The following SYT1 variants were observed in gnomAD, a reference collection of about 807,000 sequenced individuals.
SYT1 encodes the protein synaptotagmin 1, also known as synaptotagmin-1.
SYT1 carries 8 observed loss-of-function variants against 44.8 expected under a neutral mutation model. That is an observed-to-expected ratio of 0.18 (90% confidence interval 0.10 to 0.32). The LOEUF is 0.32. SYT1 is among the 10% of genes least tolerant of loss of function. The pLI is 1.00. For missense variants in SYT1, 286 were observed against 509.3 expected, an observed-to-expected ratio of 0.56 and a Z score of 4.22; for synonymous variants, 154 against 188.8, an observed-to-expected ratio of 0.82 and a Z score of 1.51.
intron 3 of SYT1, among the ~76,000 whole-genome samples, chr12:79,083,508 GA>G (rs1555196395): frequency 6.6e-6 from 1 of 151,938 alleles, no homozygotes; most frequent in Non-Finnish European, 1.5e-5. Context: ...TTTTTAGTAA[GA>G]AAACAGATAA....
In SYT1 at chr12:79,225,059, G is replaced by T. The variant is rs972753444; in HGVS notation, c.166+7374G>T. Among the ~76,000 whole-genome samples, 6 of 151,748 alleles carry T rather than the reference G, an allele frequency of 4.0e-5. No homozygotes were observed. In the East Asian group the frequency reaches 1.2e-3, roughly 29 times the overall value. On this transcript the variant is annotated intron_variant, in intron 4 of 10. Transcript: ENST00000261205. ...GCCTCCCAAAGTGCTGGAATTACAG[G>T]CATGAACCACTGCGCCCAGCCCTGA...
intron 9 of SYT1, among the ~76,000 whole-genome samples, chr12:79,412,673 C>T (rs1868505212): frequency 6.6e-6 from 1 of 152,164 alleles, no homozygotes; most frequent in Admixed American, 6.5e-5. Context: ...CTGCAATTAA[C>T]ATCTTTGTTA....
chr12:78,991,276 A>G (rs1006964055), intron 2 of SYT1, among the ~76,000 whole-genome samples: 1 of 152,118 alleles, frequency 6.6e-6, no homozygotes, highest in African/African-American at 2.4e-5. Flanking sequence ...AATTTATAAT[A>G]TGTAAAGATC....
intron 1 of SYT1, among the ~76,000 whole-genome samples, chr12:78,905,195 A>G (rs1348103859): frequency 6.6e-6 from 1 of 152,148 alleles, no homozygotes; most frequent in Non-Finnish European, 1.5e-5. Flanking sequence ...CTTTAGTAAC[A>G]TGTTGCCATG....
chr12:78,890,209 G>A (rs1011811803), intron 1 of SYT1, among the ~76,000 whole-genome samples: 2 of 151,862 alleles, frequency 1.3e-5, no homozygotes, highest in Non-Finnish European at 1.5e-5. Flanking sequence ...ATCCAAAAAA[G>A]TTATAAAAAT....
intron 3 of SYT1, among the ~76,000 whole-genome samples, chr12:79,087,801 T>C (rs1877483009): frequency 6.6e-6 from 1 of 152,128 alleles, no homozygotes; most frequent in Non-Finnish European, 1.5e-5. Flanking sequence ...ATATTCCAAG[T>C]GAAAGTAATT....
chr12:79,210,688 G>A (rs903641690), intron 3 of SYT1, among the ~76,000 whole-genome samples: 5 of 152,088 alleles, frequency 3.3e-5, no homozygotes, highest in African/African-American at 9.7e-5. Flanking sequence ...TTGCAATTGC[G>A]AATTGTGCTG....
intron 2 of SYT1, among the ~76,000 whole-genome samples, chr12:79,011,903 G>T: frequency 6.6e-6 from 1 of 151,930 alleles, no homozygotes; most frequent in Non-Finnish European, 1.5e-5. Context: ...GGGCTGAGGC[G>T]GGTGAATCAC....
At chr12:78,914,287 A>C (rs779890950) in intron 1 of SYT1, among the ~76,000 whole-genome samples, 51 of 151,794 alleles carry the variant, frequency 3.4e-4, no homozygotes, top group Non-Finnish European at 1.2e-4. Context: ...AGTGGGAAAA[A>C]GATGGCTTGT....
intron 2 of SYT1, among the ~76,000 whole-genome samples, chr12:78,991,545 T>C (rs187396844): frequency 1.3e-4 from 20 of 152,234 alleles, no homozygotes; most frequent in East Asian, 1.2e-3. Flanking sequence ...TGATTTGTAA[T>C]TAAGAGAAGA....
At chr12:79,210,770 G>T (rs1874395387) in intron 3 of SYT1, among the ~76,000 whole-genome samples, 1 of 152,132 alleles carries the variant, frequency 6.6e-6, no homozygotes, top group East Asian at 1.9e-4. Flanking sequence ...ACCCAGTAAT[G>T]AGATTGCTGG....
intron 9 of SYT1, among the ~76,000 whole-genome samples, chr12:79,428,802 G>C (rs1869597813): frequency 6.6e-6 from 1 of 152,128 alleles, no homozygotes. Flanking sequence ...AGGAATACCT[G>C]AGGCTGGGTA....
chr12:79,442,828 G>C (rs1870503214), intron 9 of SYT1, among the ~76,000 whole-genome samples: 1 of 152,130 alleles, frequency 6.6e-6, no homozygotes, highest in South Asian at 2.1e-4. Context: ...CATGTTCCGA[G>C]AGAGAGGAAA....
chr12:79,083,314 C>T (rs1877163354), intron 3 of SYT1, among the ~76,000 whole-genome samples: 1 of 152,048 alleles, frequency 6.6e-6, no homozygotes, highest in South Asian at 2.1e-4. Flanking sequence ...TAAATTAGTA[C>T]CACTGCAAAG....
intron 2 of SYT1, among the ~76,000 whole-genome samples, chr12:78,994,696 C>T (rs999558902): frequency 6.6e-6 from 1 of 151,828 alleles, no homozygotes; most frequent in Non-Finnish European, 1.5e-5. Context: ...CCACTGTGCC[C>T]AGCTAATTTT....
At chr12:78,887,488 C>T (rs1232290387) in intron 1 of SYT1, among the ~76,000 whole-genome samples, 3 of 151,878 alleles carry the variant, frequency 2.0e-5, no homozygotes, top group Non-Finnish European at 2.9e-5. Context: ...AGATCATTAA[C>T]AGCGATAGTA....
intron 3 of SYT1, among the ~76,000 whole-genome samples, chr12:79,081,508 A>T (rs1877030906): frequency 6.6e-6 from 1 of 151,732 alleles, no homozygotes; most frequent in Non-Finnish European, 1.5e-5. Flanking sequence ...CCTCCCAAGT[A>T]GCTGGGGTTA....
intron 9 of SYT1, among the ~76,000 whole-genome samples, chr12:79,405,844 C>G (rs983928959): frequency 6.6e-6 from 1 of 152,026 alleles, no homozygotes; most frequent in African/African-American, 2.4e-5. Context: ...CAATTGAAGA[C>G]AGTGGCTGTC....
At chr12:79,312,183 A>G (rs1880839686) in intron 8 of SYT1, among the ~76,000 whole-genome samples, 1 of 152,100 alleles carries the variant, frequency 6.6e-6, no homozygotes, top group African/African-American at 2.4e-5. Context: ...AAAATGCTAA[A>G]AACAAAAACA....
Sources: gnomAD v4.1 joint callset for allele counts (sites outside exome capture counted in the v4.1 genomes callset) on GRCh38, gnomAD v4.1.1 for gene constraint, MANE v1.5 for transcripts, NCBI Gene and HGNC (gene_info 2026-07-23, HGNC 2026-07-21) for gene names.